Variants in CSF1R observed in about 807,000 individuals in gnomAD.
CSF1R encodes the protein colony stimulating factor 1 receptor.
A neutral mutation model predicts 110.0 loss-of-function variants in CSF1R; 40 were observed. The ratio of observed to expected loss-of-function variants is 0.36; its 90% confidence interval spans 0.28 to 0.47. The LOEUF (loss-of-function observed/expected upper bound fraction) is 0.47. Ranked by LOEUF, CSF1R falls within the 20% of genes least tolerant of loss-of-function variation. The pLI is 0.99. For synonymous variants in CSF1R, 523 were observed against 503.4 expected (o/e 1.04, Z -0.52); for missense variants, 1,052 against 1,253.0 (o/e 0.84, Z 2.42).
intron 1 of CSF1R, among the ~76,000 whole-genome samples, chr5:150,104,476 C>G (rs750093912): frequency 6.6e-6 from 1 of 152,266 alleles, no homozygotes. Flanking sequence ...GCATCCCAGG[C>G]CTTTTGGGCT....
rs1561939495 is a variant in CSF1R at position 150,080,335 on chromosome 5, G to T, written c.309C>A (p.Asp103Glu). The change falls in exon 3 of 21, where the codon GAC becomes GAA. Residue 103 changes from aspartate (D) to glutamate (E), a missense_variant and splice_region_variant. This residue lies in a region of CSF1R where 693 missense variants were observed against 735.4 expected (regional missense o/e 0.94). Coordinates refer to ENST00000675795, the MANE Select transcript of CSF1R (RefSeq NM_001288705.3). ...CTAGCACGTTCCAGGGCCGGGCAGG[G>T]TCTAGAGTAGAGGAGGGCACAGGGT... is the stretch of plus-strand genomic sequence containing the variant. Reference protein sequence around the residue: ...GSAAIHLYVKDPARPWNVLAQ... With the variant: ...GSAAIHLYVKEPARPWNVLAQ... The T allele has an allele frequency of 6.2e-7, 1 of 1,612,398 alleles. No homozygotes were observed. Among genetic ancestry groups the T allele is most frequent in the South Asian group, 1.1e-5 (1 of 91,030 alleles).
At chr5:150,096,250 C>T (rs1430157773) in intron 1 of CSF1R, among the ~76,000 whole-genome samples, 2 of 152,090 alleles carry the variant, frequency 1.3e-5, no homozygotes, top group East Asian at 3.9e-4. Flanking sequence ...ATTAGCCAAG[C>T]ATGGTGGCAG....
intron 1 of CSF1R, among the ~76,000 whole-genome samples, chr5:150,097,733 A>G (rs577717639): frequency 4.9e-4 from 74 of 152,354 alleles, no homozygotes; most frequent in Non-Finnish European, 9.0e-4. Context: ...TGTACAAAAC[A>G]CTGAGAAAAG....
Position 150,085,286 on chromosome 5 carries a change from A to AAAAAAAAAC in CSF1R, c.49+1092_49+1093insGTTTTTTTT, listed in dbSNP as rs762504061. On this transcript the variant is annotated intron_variant, in intron 1 of 20. Transcript: ENST00000675795. The stretch of plus-strand genomic sequence containing the variant: ...AGAGACTCTGTCTCAGGAAAAAAAA[A>AAAAAAAAAC]AAAAAAACCCAAATACTCAAGCTCA... Among the ~76,000 whole-genome samples the AAAAAAAAAC allele has an allele frequency of 4.6e-3, 687 of 148,794 alleles. 23 individuals carry two copies. Among genetic ancestry groups the AAAAAAAAAC allele is most frequent in the African/African-American group, 0.015 (591 of 40,270 alleles).
intron 1 of CSF1R, among the ~76,000 whole-genome samples, chr5:150,108,419 T>G (rs960645499): frequency 3.7e-4 from 57 of 152,070 alleles, no homozygotes; most frequent in Admixed American, 2.5e-3. Context: ...GGAGGGCAGA[T>G]GTGGGAGAGG....
intron 1 of CSF1R, among the ~76,000 whole-genome samples, chr5:150,100,490 G>A (rs1026474132): frequency 2.0e-5 from 3 of 151,814 alleles, no homozygotes; most frequent in Non-Finnish European, 4.4e-5. Flanking sequence ...GTGGAGACGG[G>A]CTTTCACCGT....
chr5:150,073,037 C>A (rs1259125608), intron 6 of CSF1R, among the ~76,000 whole-genome samples: 2 of 152,074 alleles, frequency 1.3e-5, no homozygotes, highest in African/African-American at 4.8e-5. Flanking sequence ...ATGCACACTC[C>A]CAAGAAATGG....
chr5:150,095,111 G>GAAAAAA, intron 1 of CSF1R: 1 of 222,196 alleles, frequency 4.5e-6, no homozygotes, highest in Non-Finnish European at 7.3e-6. Flanking sequence ...CTCTCAAATT[G>GAAAAAA]GAAAAAAAAA....
intron 5 of CSF1R, chr5:150,076,925 T>C (rs2113822879): frequency 5.8e-6 from 2 of 343,158 alleles, no homozygotes; most frequent in South Asian, 5.0e-5. Flanking sequence ...CCATAATCAC[T>C]GGGTGATCAT....
chr5:150,057,373 C>T lies in CSF1R; in HGVS notation c.2233G>A (p.Glu745Lys). Residue 745 changes from glutamate (E) to lysine (K), a missense_variant, in exon 16 of 21, where the codon GAG becomes AAG. Coordinates refer to ENST00000675795, the MANE Select transcript of CSF1R (RefSeq NM_001288705.3). ...DSFSEQDLDK[E>K]DGRPLELRDL... ...CGGAGCTCCAGGGGCCGTCCATCCT[C>T]CTTGTCCAGGTCTAGGGTGGGAAGA... 1 of 1,614,090 alleles carries T rather than the reference C, an allele frequency of 6.2e-7. No homozygotes were observed. The highest frequency in any genetic ancestry group is 8.5e-7 in the Non-Finnish European group (1 of 1,179,964).
intron 10 of CSF1R, among the ~76,000 whole-genome samples, chr5:150,062,786 A>G (rs1252100500): frequency 2.0e-5 from 3 of 152,210 alleles, no homozygotes; most frequent in Admixed American, 1.3e-4. Context: ...AAGTGGTGCT[A>G]TGAAGAAAAT....
chr5:150,100,290 CTTTTT>C (rs752638971), intron 1 of CSF1R, among the ~76,000 whole-genome samples: 1 of 89,348 alleles, frequency 1.1e-5, no homozygotes, highest in African/African-American at 4.6e-5. Flanking sequence ...ATTGGCTAAC[CTTTTT>C]TTTTTTTTTT....
chr5:150,069,290 G>A (rs1042741508), intron 9 of CSF1R, among the ~76,000 whole-genome samples: 1 of 152,198 alleles, frequency 6.6e-6, no homozygotes, highest in Non-Finnish European at 1.5e-5. Flanking sequence ...GAGAATCACA[G>A]AACTAGCTGG....
Position 150,069,938 on chromosome 5 carries a change from G to C in CSF1R, c.1445C>G (p.Thr482Ser). The C allele has an allele frequency of 6.2e-7, 1 of 1,614,142 alleles. No individual in the cohort carries two copies. Among genetic ancestry groups the C allele is most frequent in the Middle Eastern group, 1.6e-4 (1 of 6,062 alleles). Residue 482 changes from threonine (T) to serine (S), a missense_variant, in exon 9 of 21, where the codon ACC becomes AGC. Around this residue, in one of 5 missense-constraint regions of CSF1R, gnomAD observed 693 missense variants for 735.4 expected, o/e 0.94. Coordinates refer to ENST00000675795, the MANE Select transcript of CSF1R (RefSeq NM_001288705.3). ...LTVETLEHNQTYECRAHNSVG... is the reference protein window; with the variant it reads ...LTVETLEHNQSYECRAHNSVG... Reference sequence around the variant, plus strand: ...GCTGTTGTGGGCCCTGCACTCGTAGGTTTGGTTGTGCTCTAAGGTCTCAAC... The same window carrying C: ...GCTGTTGTGGGCCCTGCACTCGTAGCTTTGGTTGTGCTCTAAGGTCTCAAC...
intron 1 of CSF1R, among the ~76,000 whole-genome samples, chr5:150,083,980 T>C (rs1758683066): frequency 6.6e-6 from 1 of 152,186 alleles, no homozygotes; most frequent in South Asian, 2.1e-4. Flanking sequence ...GACCACAGAA[T>C]GTTTTTGTGA....
At chr5:150,068,027 G>A (rs1043741459) in intron 10 of CSF1R, among the ~76,000 whole-genome samples, 188 bp downstream of exon 10, 34 of 152,084 alleles carry the variant, frequency 2.2e-4, no homozygotes, top group African/African-American at 7.0e-4. Flanking sequence ...GACAGTAAAC[G>A]CTATTAGGGC....
At chr5:150,084,403 G>A (rs1290695156) in intron 1 of CSF1R, among the ~76,000 whole-genome samples, 2 of 57,934 alleles carry the variant, frequency 3.5e-5, no homozygotes, top group Admixed American at 1.4e-4. Context: ...AGGAAGGAAG[G>A]AAGGAAGGAA....
intron 14 of CSF1R, chr5:150,058,060 G>A (rs1757332124): frequency 1.4e-5 from 5 of 369,340 alleles, no homozygotes; most frequent in South Asian, 8.1e-5. Flanking sequence ...AGAAACTCTA[G>A]GGACAAAACA....
intron 1 of CSF1R, among the ~76,000 whole-genome samples, chr5:150,085,277 GAAAAA>G (rs70973563): frequency 1.1e-4 from 10 of 92,470 alleles, no homozygotes; most frequent in Non-Finnish European, 1.6e-4. Context: ...TCTGTCTCAG[GAAAAA>G]AAAAAAAAAA....
Sources: allele counts gnomAD v4.1 joint callset (sites outside exome capture counted in the v4.1 genomes callset), GRCh38; gene constraint gnomAD v4.1.1; regional missense constraint gnomAD v4.1.1; transcripts MANE v1.5; gene names NCBI Gene and HGNC (gene_info 2026-07-23, HGNC 2026-07-21).